Variants in SHISAL2B observed in about 807,000 individuals in gnomAD.
SHISAL2B encodes shisa like 2B, also known as protein shisa-like-2B.
SHISAL2B carries 12 observed loss-of-function variants against 16.5 expected under a neutral mutation model. That is an observed-to-expected ratio of 0.73 (90% CI 0.47 to 1.18). The LOEUF (loss-of-function observed/expected upper bound fraction) is 1.18, where lower values mean the gene tolerates loss of function less well. SHISAL2B is among the 50% of genes most tolerant of loss of function. The pLI, the probability that SHISAL2B is intolerant of heterozygous loss-of-function variation, is 0.00. For missense variants in SHISAL2B, 183 were observed against 193.6 expected (o/e 0.95, Z 0.33); for synonymous variants, 72 against 75.0 (o/e 0.96, Z 0.21).
At chr5:64,701,469 C>T (rs1436370675) in intron 2 of SHISAL2B, among the ~76,000 whole-genome samples, 1 of 152,146 alleles carries the variant, frequency 6.6e-6, no homozygotes, top group Non-Finnish European at 1.5e-5. Flanking sequence ...AAAATTGATG[C>T]TCCAGGAAGA....
intron 2 of SHISAL2B, among the ~76,000 whole-genome samples, chr5:64,715,701 G>A (rs377739852): frequency 6.6e-6 from 1 of 152,204 alleles, no homozygotes; most frequent in South Asian, 2.1e-4. Context: ...TGCTATGTAA[G>A]TATTAACTAT....
At chr5:64,692,640 C>T (rs1370988231) in intron 1 of SHISAL2B, among the ~76,000 whole-genome samples, 1 of 152,232 alleles carries the variant, frequency 6.6e-6, no homozygotes, top group Non-Finnish European at 1.5e-5. Flanking sequence ...GAGAAAGGCA[C>T]AGCTGTGGCT....
chr5:64,710,033 T>G (rs777064236), intron 2 of SHISAL2B, among the ~76,000 whole-genome samples: 5,882 of 149,212 alleles, frequency 0.039, 337 homozygotes, highest in African/African-American at 0.12. Flanking sequence ...AGAAGCTCTT[T>G]AGTTTAATGA....
intron 1 of SHISAL2B, among the ~76,000 whole-genome samples, chr5:64,693,328 G>A (rs1222118927): frequency 6.6e-6 from 1 of 152,096 alleles, no homozygotes; most frequent in Non-Finnish European, 1.5e-5. Flanking sequence ...TTTCTATAAA[G>A]TGAACGGTGA....
At chr5:64,691,084 C>G (rs768458808) in intron 1 of SHISAL2B, among the ~76,000 whole-genome samples, 6 of 152,202 alleles carry the variant, frequency 3.9e-5, no homozygotes. Context: ...ACTTGGGGCC[C>G]GCCTGGCTGG....
Position 64,718,108 on chromosome 5 carries a change from T to C in SHISAL2B, c.*86T>C. 8.1e-7 allele frequency: 1 copy of C among 1,232,994 alleles called. No homozygotes were observed. The highest frequency in any genetic ancestry group is 1.1e-6 in the Non-Finnish European group (1 of 943,628). 76.4% of individuals were successfully genotyped at this position (1,232,994 alleles called of 1,614,324 possible). ...ACTTGAAACGGTTTGTAATATTGCT[T>C]TTCAAAAATTCGTCACTCACAAAGC... On this transcript the variant is annotated 3_prime_UTR_variant, in exon 3 of 3. Coordinates refer to ENST00000389074, the MANE Select transcript of SHISAL2B (RefSeq NM_001164442.2).
At chr5:64,716,547 TG>T (rs966971368) in intron 2 of SHISAL2B, among the ~76,000 whole-genome samples, 1 of 152,132 alleles carries the variant, frequency 6.6e-6, no homozygotes, top group Non-Finnish European at 1.5e-5. Flanking sequence ...CAGAAGGGGT[TG>T]GTGATGGGGA....
At chr5:64,697,652 GA>G (rs1436535217) in intron 2 of SHISAL2B, among the ~76,000 whole-genome samples, 57 of 152,012 alleles carry the variant, frequency 3.7e-4, no homozygotes, top group African/African-American at 1.4e-3. Context: ...AATTTATCAA[GA>G]ATTTATATAT....
intron 2 of SHISAL2B, among the ~76,000 whole-genome samples, chr5:64,699,363 T>C (rs1272437098): frequency 6.6e-5 from 10 of 152,148 alleles, no homozygotes; most frequent in Non-Finnish European, 1.5e-4. Context: ...AAGAGAAAAT[T>C]GTTTGTATTT....
At chr5:64,692,506 C>T (rs1741665244) in intron 1 of SHISAL2B, among the ~76,000 whole-genome samples, 1 of 152,154 alleles carries the variant, frequency 6.6e-6, no homozygotes, top group South Asian at 2.1e-4. Flanking sequence ...GCTCTGAGAA[C>T]ACAATAGGGA....
At chr5:64,704,787 A>C (rs1157103517) in intron 2 of SHISAL2B, among the ~76,000 whole-genome samples, 1 of 151,828 alleles carries the variant, frequency 6.6e-6, no homozygotes, top group Non-Finnish European at 1.5e-5. Flanking sequence ...AGAAAAGCTG[A>C]GGTTGCTGAG....
chr5:64,697,687 A>T (rs952506399), intron 2 of SHISAL2B, among the ~76,000 whole-genome samples: 2 of 152,084 alleles, frequency 1.3e-5, no homozygotes, highest in Non-Finnish European at 2.9e-5. Context: ...TTAGAATATA[A>T]ATTTAGGATT....
Position 64,695,514 on chromosome 5 carries a change from G to A in SHISAL2B, c.199G>A (p.Ala67Thr). 6.5e-7 allele frequency: 1 copy of A among 1,532,694 alleles called. No homozygotes were observed. The highest frequency in any genetic ancestry group is 8.7e-7 in the Non-Finnish European group (1 of 1,144,830). The allele number at this position is 1,532,694 out of a possible 1,614,324, so 94.9% of individuals were successfully genotyped here. ...HSYMWSLSIGALIGLGIAALV... is the reference protein window; with the variant it reads ...HSYMWSLSIGTLIGLGIAALV... The stretch of plus-strand genomic sequence containing the variant: ...TTTTTCTGTTTTCCTCAGCATTGGT[G>A]CCTTGATTGGACTAGGAATTGCTGC... The change falls in exon 2 of 3, where the codon GCC becomes ACC. Residue 67 changes from alanine (A) to threonine (T), a missense_variant. By Grantham distance (58) the Ala-to-Thr change is moderately conservative. Transcript: ENST00000389074.
At chr5:64,694,064 C>G (rs896155776) in intron 1 of SHISAL2B, 1 of 455,518 alleles carries the variant, frequency 2.2e-6, no homozygotes, top group African/African-American at 2.0e-5. Context: ...GTCAAATTCT[C>G]CCTTCCCTCC....
At chr5:64,700,467 G>A (rs1741793673) in intron 2 of SHISAL2B, among the ~76,000 whole-genome samples, 1 of 152,104 alleles carries the variant, frequency 6.6e-6, no homozygotes, top group Admixed American at 6.5e-5. Flanking sequence ...CTGGAGTATG[G>A]TGGCGCAATC....
intron 2 of SHISAL2B, among the ~76,000 whole-genome samples, chr5:64,711,297 A>G (rs946100598): frequency 2.0e-5 from 3 of 147,560 alleles, no homozygotes; most frequent in Non-Finnish European, 1.5e-5. Flanking sequence ...TGAGATAATC[A>G]TGTGGTTTTT....
At position 64,699,590 on chromosome 5, in the gene SHISAL2B, G is replaced by A. The variant is rs116727164; in HGVS notation, c.349+3926G>A. On this transcript the variant is annotated intron_variant, in intron 2 of 2. Transcript: ENST00000389074. ...AATCAAGCAAGTAAATATTACATCA[G>A]AGGAAAATTGGTTTCACCAGTTAGC... Among the ~76,000 whole-genome samples the A allele has an allele frequency of 2.4e-3, 366 of 152,330 alleles. 1 individual carries two copies. Among genetic ancestry groups the A allele is most frequent in the Middle Eastern group, 6.8e-3 (2 of 294 alleles).
At chr5:64,707,422 G>A (rs544419993) in intron 2 of SHISAL2B, among the ~76,000 whole-genome samples, 39 of 152,214 alleles carry the variant, frequency 2.6e-4, no homozygotes, top group African/African-American at 7.2e-4. Context: ...TACGGGGACC[G>A]TGAGGACATG....
At chr5:64,709,187 C>A (rs1261255305) in intron 2 of SHISAL2B, among the ~76,000 whole-genome samples, 39 of 107,168 alleles carry the variant, frequency 3.6e-4, no homozygotes, top group African/African-American at 1.4e-3. Context: ...TCCCTCCCCC[C>A]TCCCCCCACC....
Sources: allele counts gnomAD v4.1 joint callset (sites outside exome capture counted in the v4.1 genomes callset), GRCh38; gene constraint gnomAD v4.1.1; transcripts MANE v1.5; gene names NCBI Gene and HGNC (gene_info 2026-07-23, HGNC 2026-07-21).